RUNX1: variants seen among roughly 807,000 people sequenced by gnomAD.
RUNX1 encodes RUNX family transcription factor 1.
RUNX1 carries 19 observed loss-of-function variants against 42.8 expected under a neutral mutation model. The ratio of observed to expected loss-of-function variants is 0.44; its 90% confidence interval spans 0.31 to 0.65. RUNX1 has a LOEUF of 0.65. RUNX1 is among the 30% of genes least tolerant of loss of function. RUNX1 has a pLI of 0.07. For synonymous variants in RUNX1, 271 were observed against 289.4 expected (o/e 0.94, Z 0.64); for missense variants, 528 against 672.0 (o/e 0.79, Z 2.37).
At chr21:34,953,334 T>C (rs557327582) in intron 2 of RUNX1, among the ~76,000 whole-genome samples, 59 of 152,302 alleles carry the variant, frequency 3.9e-4, no homozygotes, top group African/African-American at 1.4e-3. Context: ...AGAGATGTCA[T>C]TTCCCATCAT....
intron 2 of RUNX1, among the ~76,000 whole-genome samples, chr21:34,934,700 G>T (rs1405307577): frequency 1.3e-5 from 2 of 152,172 alleles, no homozygotes; most frequent in African/African-American, 2.4e-5. Context: ...CACTGGGTCT[G>T]CAGGTCTAGC....
At chr21:35,024,023 A>G (rs1204970332) in intron 2 of RUNX1, among the ~76,000 whole-genome samples, 1 of 151,756 alleles carries the variant, frequency 6.6e-6, no homozygotes, top group Non-Finnish European at 1.5e-5. Context: ...ATACAAATCA[A>G]TAAACAAATA....
At chr21:34,958,495 G>A (rs902045915) in intron 2 of RUNX1, among the ~76,000 whole-genome samples, 2 of 151,866 alleles carry the variant, frequency 1.3e-5, no homozygotes, top group Admixed American at 6.6e-5. Flanking sequence ...CAAAACCACA[G>A]TGAGATACCA....
intron 2 of RUNX1, among the ~76,000 whole-genome samples, chr21:34,996,648 ATTG>A (rs1320698015): frequency 1.3e-5 from 2 of 151,120 alleles, no homozygotes; most frequent in Non-Finnish European, 3.0e-5. Flanking sequence ...CTCTCTCTCT[ATTG>A]TTCTCTCCTA....
At chr21:34,840,427 G>T (rs1457049280) in intron 6 of RUNX1, among the ~76,000 whole-genome samples, 1 of 152,162 alleles carries the variant, frequency 6.6e-6, no homozygotes, top group Admixed American at 6.5e-5. Context: ...CTTCATCACT[G>T]AGGCTCCGTA....
intron 2 of RUNX1, among the ~76,000 whole-genome samples, chr21:35,019,403 G>A (rs1569153331): frequency 6.6e-6 from 1 of 152,142 alleles, no homozygotes; most frequent in East Asian, 1.9e-4. Flanking sequence ...TATTCCACAG[G>A]TATATGTCTT....
intron 2 of RUNX1, among the ~76,000 whole-genome samples, chr21:35,029,075 C>T (rs2059256328): frequency 6.6e-6 from 1 of 152,184 alleles, no homozygotes; most frequent in African/African-American, 2.4e-5. Flanking sequence ...CCTTCACACT[C>T]ACTGCCTAGT....
At chr21:34,998,035 C>G (rs942154958) in intron 2 of RUNX1, among the ~76,000 whole-genome samples, 1 of 152,162 alleles carries the variant, frequency 6.6e-6, no homozygotes, top group African/African-American at 2.4e-5. Context: ...CTTGCCTCTG[C>G]CTTGCCCTGG....
intron 3 of RUNX1, chr21:34,888,736 C>A (rs1281666269): frequency 1.0e-6 from 1 of 1,002,116 alleles, no homozygotes; most frequent in African/African-American, 1.7e-5. Flanking sequence ...TAAGCCCGGC[C>A]GGAGGAATTC....
chr21:34,944,040 G>C lies in RUNX1; in HGVS notation c.59-51077C>G, dbSNP rs975357966. On this transcript the variant is annotated intron_variant, in intron 2 of 8. Coordinates refer to ENST00000675419, the MANE Select transcript of RUNX1 (RefSeq NM_001754.5). ...TTTTACTTTTTAAAGATGAGGTCTT[G>C]CTCTGTCACCCAGGCTGGAGTGCAG... Among the ~76,000 whole-genome samples, 3 of 152,150 alleles carry C rather than the reference G, an allele frequency of 2.0e-5. No individual in the cohort carries two copies. The East Asian group carries it at 5.8e-4, about 29-fold the overall frequency.
rs570888586 is a variant in RUNX1 at position 34,965,013 on chromosome 21, C to T, written c.59-72050G>A. Among the ~76,000 whole-genome samples the T allele has an allele frequency of 3.3e-5, 5 of 152,276 alleles. No individual in the cohort carries two copies. In the East Asian group the frequency reaches 5.8e-4, roughly 18 times the overall value. The stretch of plus-strand genomic sequence containing the variant: ...AAGCACACTCACATACGTGCACACA[C>T]CAATGTAGGCAGGGATGTGAATACA... On this transcript the variant is annotated intron_variant, in intron 2 of 8. Coordinates refer to ENST00000675419, the MANE Select transcript of RUNX1 (RefSeq NM_001754.5).
chr21:34,805,703 T>C (rs973221490), intron 7 of RUNX1, among the ~76,000 whole-genome samples: 8 of 152,222 alleles, frequency 5.3e-5, no homozygotes, highest in African/African-American at 1.9e-4. Flanking sequence ...TGACCTGCCC[T>C]ATGAGAAATG....
At chr21:35,000,605 G>A (rs1004436272) in intron 2 of RUNX1, among the ~76,000 whole-genome samples, 2 of 152,100 alleles carry the variant, frequency 1.3e-5, no homozygotes, top group African/African-American at 2.4e-5. Flanking sequence ...TACCATACAC[G>A]ACTGTATGCA....
rs1601329824 is a variant in RUNX1, at chr21:34,791,099, G to A, written c.*1036C>T. The A allele has an allele frequency of 1.7e-5, 4 of 233,666 alleles. No homozygotes were observed. The South Asian group carries it at 7.2e-4, about 42-fold the overall frequency. 14.5% of individuals were successfully genotyped at this position (233,666 alleles called of 1,614,324 possible). A position where few individuals can be genotyped will look rare whatever the true frequency, so the allele number is the denominator to read the frequency against. The stretch of plus-strand genomic sequence containing the variant: ...CTTCTGATCCTTGGAGTGACCCTCA[G>A]TGTCTAAAAATCCTATTAAAAACGT... On this transcript the variant is annotated 3_prime_UTR_variant, in exon 9 of 9. Coordinates refer to ENST00000675419, the MANE Select transcript of RUNX1 (RefSeq NM_001754.5).
intron 5 of RUNX1, among the ~76,000 whole-genome samples, chr21:34,861,608 C>G (rs7280216): frequency 0.25 from 37,857 of 152,036 alleles, 5,090 homozygotes; most frequent in Non-Finnish European, 0.3. Context: ...CACTCACCCC[C>G]TCTCCTCCGC....
In RUNX1 at chr21:35,048,920, C is replaced by T. The variant is rs773985903; in HGVS notation, c.-21G>A. Reference sequence around the variant, plus strand: ...GCCATCGCTTCCTCCTGAAAATGCACCCTCTTCTGAAGGCGGGGGACTCAA... The same window carrying T: ...GCCATCGCTTCCTCCTGAAAATGCATCCTCTTCTGAAGGCGGGGGACTCAA... On this transcript the variant is annotated 5_prime_UTR_variant, in exon 2 of 9. The change creates a new upstream start codon in the 5' untranslated region. Transcript: ENST00000675419. The T allele has an allele frequency of 6.2e-7, 1 of 1,612,036 alleles. No homozygotes were observed. Among genetic ancestry groups the T allele is most frequent in the Non-Finnish European group, 8.5e-7 (1 of 1,178,214 alleles).
chr21:34,888,822 T>TCGC (rs1480084333), intron 3 of RUNX1: 1 of 398,132 alleles, frequency 2.5e-6, no homozygotes, highest in African/African-American at 2.2e-5. Context: ...AGGGCGCGGC[T>TCGC]CGCCGCCGCC....
intron 2 of RUNX1, among the ~76,000 whole-genome samples, chr21:35,003,500 CAAG>C (rs1011011352): frequency 6.0e-5 from 9 of 149,506 alleles, no homozygotes; most frequent in Admixed American, 4.0e-4. Flanking sequence ...AATGAGTGAA[CAAG>C]AAGGAGAAAA....
At chr21:34,975,796 C>T (rs1404055571) in intron 2 of RUNX1, among the ~76,000 whole-genome samples, 1 of 139,250 alleles carries the variant, frequency 7.2e-6, no homozygotes, top group African/African-American at 2.7e-5. Context: ...GGGTGTGTAG[C>T]TCTTGGGGGG....
Sources: allele counts gnomAD v4.1 joint callset (sites outside exome capture counted in the v4.1 genomes callset), GRCh38; gene constraint gnomAD v4.1.1; transcripts MANE v1.5; gene names NCBI Gene and HGNC (gene_info 2026-07-23, HGNC 2026-07-21).